Variants in BABAM2 observed in about 807,000 individuals in gnomAD.
BABAM2 encodes BRISC and BRCA1 A complex member 2, also known as BRISC and BRCA1-A complex member 2.
Under a neutral mutation model 54.7 loss-of-function variants are expected in BABAM2, and 31 were observed. That is an observed-to-expected ratio of 0.57 (90% confidence interval 0.43 to 0.77). BABAM2 has a LOEUF of 0.77. Among genes scored for constraint, BABAM2 ranks in the 30% least tolerant of loss-of-function variants. BABAM2 has a pLI of 0.00. For missense variants in BABAM2, 364 were observed against 455.8 expected (o/e 0.80, Z 1.83); for synonymous variants, 167 against 162.9 (o/e 1.03, Z -0.19).
chr2:28,155,702 A>G (rs556289206), intron 7 of BABAM2, among the ~76,000 whole-genome samples: 1 of 152,314 alleles, frequency 6.6e-6, no homozygotes, highest in South Asian at 2.1e-4. Context: ...TGAGCTATAA[A>G]GAGAAAAGGA....
At chr2:28,067,898 G>C (rs912666581) in intron 6 of BABAM2, among the ~76,000 whole-genome samples, 2 of 152,158 alleles carry the variant, frequency 1.3e-5, no homozygotes, top group Admixed American at 1.3e-4. Context: ...CCTGAACACA[G>C]TGTATACTCA....
At chr2:27,961,556 C>T (rs1670470595) in intron 3 of BABAM2, among the ~76,000 whole-genome samples, 2 of 152,020 alleles carry the variant, frequency 1.3e-5, no homozygotes, top group South Asian at 4.2e-4. Context: ...TTTTACTTAA[C>T]AATATTTTCA....
Position 27,938,148 on chromosome 2 carries a change from A to G in BABAM2, c.205+8240A>G, listed in dbSNP as rs149021912. On this transcript the variant is annotated intron_variant, in intron 3 of 11. Transcript: ENST00000379624. ...GGTTTTATTTCTGGGCTTTCCATTA[A>G]TTTTAGCAACCTTAAATCTATTGTA... Among the ~76,000 whole-genome samples the G allele has an allele frequency of 1.7e-4, 26 of 152,252 alleles. 1 individual carries two copies. In the East Asian group the frequency reaches 5.0e-3, roughly 29 times the overall value.
intron 4 of BABAM2, among the ~76,000 whole-genome samples, chr2:28,004,637 C>T (rs960577502): frequency 1.3e-5 from 2 of 151,672 alleles, no homozygotes; most frequent in Non-Finnish European, 2.9e-5. Flanking sequence ...AATTAATTTG[C>T]ACAAACACTA....
intron 6 of BABAM2, among the ~76,000 whole-genome samples, chr2:28,081,672 C>T (rs1453915004): frequency 6.6e-6 from 1 of 152,188 alleles, no homozygotes; most frequent in African/African-American, 2.4e-5. Context: ...TTCCTTTCCT[C>T]TGTTTCCCTC....
At chr2:27,968,348 A>G (rs1670972514) in intron 3 of BABAM2, among the ~76,000 whole-genome samples, 1 of 152,194 alleles carries the variant, frequency 6.6e-6, no homozygotes, top group Admixed American at 6.5e-5. Flanking sequence ...TGTGGTGTTG[A>G]GCCTGCGAGT....
At chr2:28,115,222 C>CACAA (rs1348267451) in intron 6 of BABAM2, among the ~76,000 whole-genome samples, 1 of 142,490 alleles carries the variant, frequency 7.0e-6, no homozygotes, top group Non-Finnish European at 1.5e-5. Flanking sequence ...CACACACACA[C>CACAA]ACAAACCAAT....
upstream of BABAM2, chr2:27,890,370 C>T: frequency 1.9e-6 from 3 of 1,606,480 alleles, no homozygotes; most frequent in South Asian, 3.3e-5. The surrounding 1 kb of genome is among the most constrained non-coding windows in gnomAD (Gnocchi z 4.8). Flanking sequence ...GCTGTCCAAC[C>T]TGGACGGTGA....
chr2:28,196,984 A>G (rs1443791294), intron 7 of BABAM2, among the ~76,000 whole-genome samples: 1 of 151,476 alleles, frequency 6.6e-6, no homozygotes, highest in African/African-American at 2.4e-5. Context: ...AGATGGGACT[A>G]CAGGTGTGTG....
At position 28,051,730 on chromosome 2, in the gene BABAM2, C is replaced by T. The variant is rs1260017770; in HGVS notation, c.570+5931C>T. Among the ~76,000 whole-genome samples the T allele has an allele frequency of 2.6e-5, 4 of 151,918 alleles. No homozygotes were observed. The South Asian group carries it at 8.3e-4, about 32-fold the overall frequency. ...GTGGCTCCATCTCGGCTCACTGCAA[C>T]CTCCACCTCCCAGGTTCAAGCAATT... is the stretch of plus-strand genomic sequence containing the variant. On this transcript the variant is annotated intron_variant, in intron 6 of 11. Coordinates refer to ENST00000379624, the MANE Select transcript of BABAM2 (RefSeq NM_199191.3).
intron 7 of BABAM2, among the ~76,000 whole-genome samples, chr2:28,182,099 G>A (rs930432574): frequency 5.3e-5 from 8 of 152,174 alleles, no homozygotes; most frequent in Non-Finnish European, 1.2e-4. Flanking sequence ...GGAGAAAGAT[G>A]AGGTAGCAGT....
rs542496049 is a variant in BABAM2 at position 27,995,396 on chromosome 2, C to T, written c.300+7309C>T. Reference sequence around the variant, plus strand: ...CATCACTCTCTGTTGACAAGCTGAACACTGCACCCACTGGCAGAAGAAAAA... The same window carrying T: ...CATCACTCTCTGTTGACAAGCTGAATACTGCACCCACTGGCAGAAGAAAAA... On this transcript the variant is annotated intron_variant, in intron 4 of 11. Transcript: ENST00000379624. This position sits in a 1 kb window ranked among gnomAD's most constrained non-coding sequence, Gnocchi z 4.1. 6.6e-6 allele frequency among the ~76,000 whole-genome samples: 1 copy of T among 152,296 alleles called. No homozygotes were observed. Among genetic ancestry groups the T allele is most frequent in the South Asian group, 2.1e-4 (1 of 4,820 alleles).
chr2:27,926,268 G>A (rs1458212904), intron 2 of BABAM2, among the ~76,000 whole-genome samples: 3 of 151,988 alleles, frequency 2.0e-5, no homozygotes, highest in African/African-American at 7.2e-5. Flanking sequence ...CATTTACTGT[G>A]TCCTAATCTT....
intron 10 of BABAM2, among the ~76,000 whole-genome samples, chr2:28,248,869 A>T (rs1683157036): frequency 6.6e-6 from 1 of 152,082 alleles, no homozygotes; most frequent in Non-Finnish European, 1.5e-5. Flanking sequence ...CTCTACCTCC[A>T]ACTTAACTGA....
rs544145421 is a variant in BABAM2, at chr2:28,209,136, A to T, written c.681-28066A>T. ...AGCTCACTTATTCACAGTTGCTGTCATTCCTCATTTCCACAGCTTAGAGAC... is the reference window on the plus strand; with the variant it reads ...AGCTCACTTATTCACAGTTGCTGTCTTTCCTCATTTCCACAGCTTAGAGAC... On this transcript the variant is annotated intron_variant, in intron 7 of 11. Coordinates refer to ENST00000379624, the MANE Select transcript of BABAM2 (RefSeq NM_199191.3). Among the ~76,000 whole-genome samples, 197 of 152,294 alleles carry T rather than the reference A, an allele frequency of 1.3e-3. 2 individuals carry two copies. Among genetic ancestry groups the T allele is most frequent in the African/African-American group, 4.5e-3 (186 of 41,566 alleles).
intron 4 of BABAM2, among the ~76,000 whole-genome samples, chr2:28,019,102 T>C (rs1413530355): frequency 6.6e-6 from 1 of 152,220 alleles, no homozygotes; most frequent in East Asian, 1.9e-4. Flanking sequence ...CATGCAGTGT[T>C]TGATTTTCTG....
intron 11 of BABAM2, among the ~76,000 whole-genome samples, chr2:28,315,667 T>TA (rs1287877232): frequency 2.0e-5 from 3 of 150,886 alleles, no homozygotes; most frequent in African/African-American, 7.3e-5. Context: ...ATTTTTTATT[T>TA]TTTTTTTTAG....
chr2:27,940,177 G>A (rs938332357), intron 3 of BABAM2, among the ~76,000 whole-genome samples: 6 of 152,160 alleles, frequency 3.9e-5, no homozygotes, highest in African/African-American at 1.2e-4. Context: ...TGAAATACAC[G>A]TTAAGGTCTA....
At chr2:28,099,274 A>G (rs1362566822) in intron 6 of BABAM2, among the ~76,000 whole-genome samples, 1 of 152,096 alleles carries the variant, frequency 6.6e-6, no homozygotes, top group Non-Finnish European at 1.5e-5. Flanking sequence ...TGGCTGTGCA[A>G]TTGGTATGCA....
Sources: allele counts gnomAD v4.1 joint callset (sites outside exome capture counted in the v4.1 genomes callset), GRCh38; gene constraint gnomAD v4.1.1; non-coding constraint Gnocchi (gnomAD v3.1); transcripts MANE v1.5; gene names NCBI Gene and HGNC (gene_info 2026-07-23, HGNC 2026-07-21).